The following FGGY variants were observed in gnomAD, a reference collection of about 807,000 sequenced individuals.
FGGY encodes the protein FGGY carbohydrate kinase domain containing.
A neutral mutation model predicts 71.3 loss-of-function variants in FGGY; 72 were observed. That is an observed-to-expected ratio of 1.01 (90% CI 0.84 to 1.23). FGGY has a LOEUF of 1.23. Ranked by LOEUF, FGGY falls within the 50% of genes most tolerant of loss-of-function variation. The probability of loss-of-function intolerance (pLI) is 0.00; values close to 1 mark genes in which losing one functional copy is unlikely to be tolerated. For synonymous variants in FGGY, 251 were observed against 250.3 expected, an observed-to-expected ratio of 1.00 and a Z score of -0.02; for missense variants, 668 against 682.3, an observed-to-expected ratio of 0.98 and a Z score of 0.23.
intron 6 of FGGY, among the ~76,000 whole-genome samples, chr1:59,490,227 A>T (rs915378362): frequency 5.9e-5 from 9 of 151,896 alleles, no homozygotes; most frequent in East Asian, 1.9e-4. Context: ...ATTAAAAAAA[A>T]TTTTTTTGGA....
chr1:59,341,800 C>A (rs1026994656), intron 3 of FGGY, among the ~76,000 whole-genome samples: 17 of 152,152 alleles, frequency 1.1e-4, no homozygotes, highest in African/African-American at 3.6e-4. Context: ...TTTTGGGAGG[C>A]TGTCAGTATA....
chr1:59,622,859 C>T lies in FGGY; in HGVS notation c.1012-3129C>T, dbSNP rs544676504. On this transcript the variant is annotated intron_variant, in intron 9 of 15. Transcript: ENST00000303721. ...ACTGTTTTTTCCTTCCTTGTGTCTACTCCTCTCCAGTTTCTACCTGGTTTT... is the reference window on the plus strand; with the variant it reads ...ACTGTTTTTTCCTTCCTTGTGTCTATTCCTCTCCAGTTTCTACCTGGTTTT... 5.3e-5 allele frequency among the ~76,000 whole-genome samples: 8 copies of T among 152,282 alleles called. No homozygotes were observed. In the South Asian group the frequency reaches 1.7e-3, roughly 32 times the overall value.
At chr1:59,484,847 TTC>T (rs773464846) in intron 6 of FGGY, among the ~76,000 whole-genome samples, 3 of 152,224 alleles carry the variant, frequency 2.0e-5, no homozygotes, top group South Asian at 2.1e-4. Context: ...TCAGTTTTTT[TTC>T]TCTCTTTTCT....
At chr1:59,443,476 C>G (rs927378500) in intron 5 of FGGY, among the ~76,000 whole-genome samples, 1 of 152,048 alleles carries the variant, frequency 6.6e-6, no homozygotes, top group Admixed American at 6.6e-5. Context: ...TTTAGAATAG[C>G]TTTGCTATTT....
chr1:59,366,753 A>G (rs2056664088), intron 4 of FGGY, among the ~76,000 whole-genome samples: 1 of 151,664 alleles, frequency 6.6e-6, no homozygotes, highest in Non-Finnish European at 1.5e-5. Context: ...TTCAAGGTAG[A>G]TTTAGGTATA....
intron 14 of FGGY, among the ~76,000 whole-genome samples, chr1:59,756,615 C>T (rs561025114): frequency 1.1e-4 from 16 of 152,110 alleles, no homozygotes; most frequent in Non-Finnish European, 2.4e-4. Context: ...TTATGCTTGG[C>T]ACGTGAAAGG....
At chr1:59,708,979 T>C (rs1410845268) in intron 14 of FGGY, among the ~76,000 whole-genome samples, 1 of 152,220 alleles carries the variant, frequency 6.6e-6, no homozygotes, top group Non-Finnish European at 1.5e-5. Context: ...GGATAAGGGC[T>C]CAACCTTTTA....
chr1:59,537,026 G>A (rs1054569292), intron 7 of FGGY, among the ~76,000 whole-genome samples: 1 of 151,872 alleles, frequency 6.6e-6, no homozygotes, highest in Non-Finnish European at 1.5e-5. Flanking sequence ...GAAATAAAGG[G>A]TATTCAATTA....
intron 12 of FGGY, among the ~76,000 whole-genome samples, chr1:59,662,783 A>G (rs1002070574): frequency 1.3e-5 from 2 of 152,226 alleles, no homozygotes; most frequent in Non-Finnish European, 2.9e-5. Context: ...GTAGTAGGCT[A>G]TACCATCTAG....
chr1:59,560,839 G>A lies in FGGY; in HGVS notation c.903+6612G>A, dbSNP rs2095780749. On this transcript the variant is annotated intron_variant, in intron 8 of 15. Transcript: ENST00000303721. ...CTGTCCCAAGTCTTGGGTAGATGAG[G>A]AGGTTTTCCTATAGGAAGAGATATT... Among the ~76,000 whole-genome samples, 3 of 152,174 alleles carry A rather than the reference G, an allele frequency of 2.0e-5. No homozygotes were observed. The East Asian group carries it at 5.8e-4, about 29-fold the overall frequency.
intron 12 of FGGY, among the ~76,000 whole-genome samples, chr1:59,660,905 G>A (rs2097267817): frequency 6.6e-6 from 1 of 152,222 alleles, no homozygotes; most frequent in African/African-American, 2.4e-5. Context: ...TGGGCTACAA[G>A]AGGGTTCTAA....
Position 59,753,027 on chromosome 1 carries a change from A to G in FGGY, c.1513-4904A>G, listed in dbSNP as rs183447616. Among the ~76,000 whole-genome samples the G allele has an allele frequency of 1.8e-3, 280 of 152,312 alleles. 2 individuals carry two copies. Among genetic ancestry groups the G allele is most frequent in the African/African-American group, 6.4e-3 (267 of 41,572 alleles). Reference sequence around the variant, plus strand: ...AAAAAGCTTTCATTGTGTGGGCAAAAGGAAAAAGAAAAGTCACTGTATTAA... The same window carrying G: ...AAAAAGCTTTCATTGTGTGGGCAAAGGGAAAAAGAAAAGTCACTGTATTAA... On this transcript the variant is annotated intron_variant, in intron 14 of 15. Coordinates refer to ENST00000303721, the MANE Select transcript of FGGY (RefSeq NM_018291.5).
chr1:59,762,412 A>T, intron 15 of FGGY, 91 bp from the exon 16 acceptor site: 1 of 925,578 alleles, frequency 1.1e-6, no homozygotes, highest in Non-Finnish European at 1.7e-6. Flanking sequence ...CATCACCACC[A>T]CACATATATT....
In FGGY at chr1:59,558,503, G is replaced by T. The variant is rs185850987; in HGVS notation, c.903+4276G>T. 1.8e-4 allele frequency among the ~76,000 whole-genome samples: 28 copies of T among 152,232 alleles called. No individual in the cohort carries two copies. The East Asian group carries it at 5.4e-3, about 29-fold the overall frequency. Reference sequence around the variant, plus strand: ...TTTATTAAGGATTTCAAAAGGGGAGGGGGTGCAAGAACAGGGAGTAGGTCA... The same window carrying T: ...TTTATTAAGGATTTCAAAAGGGGAGTGGGTGCAAGAACAGGGAGTAGGTCA... On this transcript the variant is annotated intron_variant, in intron 8 of 15. Coordinates refer to ENST00000303721, the MANE Select transcript of FGGY (RefSeq NM_018291.5).
In FGGY at chr1:59,424,429, T is replaced by C. The variant is rs569823601; in HGVS notation, c.555-32532T>C. Among the ~76,000 whole-genome samples, 205 of 152,118 alleles carry C rather than the reference T, an allele frequency of 1.3e-3. 3 individuals are homozygous for C. The highest frequency in any genetic ancestry group is 9.9e-4 in the Non-Finnish European group (67 of 67,968). On this transcript the variant is annotated intron_variant, in intron 5 of 15. Coordinates refer to ENST00000303721, the MANE Select transcript of FGGY (RefSeq NM_018291.5). ...GGACGTGGTGGCACACGCCTGTAAT[T>C]CCAGCTACTCGGGAAGCTGAGGCAG...
At chr1:59,622,977 G>A (rs1238593062) in intron 9 of FGGY, among the ~76,000 whole-genome samples, 1 of 152,084 alleles carries the variant, frequency 6.6e-6, no homozygotes, top group Admixed American at 6.6e-5. Flanking sequence ...TCATTCATTA[G>A]AGATGTCAGC....
At chr1:59,296,777 C>A, upstream of FGGY, 1 of 150,498 alleles carries the variant, frequency 6.6e-6, no homozygotes, top group East Asian at 2.0e-4. Flanking sequence ...GCCGCGCCGG[C>A]GGGGGCGGGA....
At chr1:59,604,243 G>T (rs2096602765) in intron 8 of FGGY, among the ~76,000 whole-genome samples, 1 of 152,138 alleles carries the variant, frequency 6.6e-6, no homozygotes, top group Non-Finnish European at 1.5e-5. Context: ...TTCACAAAAA[G>T]ATTTTTAAAT....
intron 11 of FGGY, among the ~76,000 whole-genome samples, chr1:59,657,529 C>A (rs531796602): frequency 2.0e-5 from 3 of 152,314 alleles, no homozygotes; most frequent in African/African-American, 7.2e-5. Context: ...TAGCATGGTG[C>A]AGGCAGCTCG....
Sources: allele counts gnomAD v4.1 joint callset (sites outside exome capture counted in the v4.1 genomes callset), GRCh38; gene constraint gnomAD v4.1.1; transcripts MANE v1.5; gene names NCBI Gene and HGNC (gene_info 2026-07-23, HGNC 2026-07-21).